Variants in TGFB2 observed in about 807,000 individuals in gnomAD.
TGFB2 encodes the protein transforming growth factor beta-2 proprotein.
Under a neutral mutation model 42.7 loss-of-function variants are expected in TGFB2, and 13 were observed. The ratio of observed to expected loss-of-function variants is 0.30; its 90% CI spans 0.20 to 0.48. The LOEUF is 0.48. Ranked by LOEUF, TGFB2 falls within the 20% of genes least tolerant of loss-of-function variation. The pLI, the probability that TGFB2 is intolerant of heterozygous loss-of-function variation, is 0.99. For synonymous variants in TGFB2, 193 were observed against 193.6 expected, an observed-to-expected ratio of 1.00 and a Z score of 0.03; for missense variants, 390 against 517.5, an observed-to-expected ratio of 0.75 and a Z score of 2.39.
rs1377416111 is a variant in TGFB2 at position 218,443,700 on chromosome 1, C to G, written c.*2338C>G. Reference sequence around the variant, plus strand: ...TTTTAAATGCTCTATTTTAAGATCTCTTGAATCTGTTTTTTTTTTTTTTAA... The same window carrying G: ...TTTTAAATGCTCTATTTTAAGATCTGTTGAATCTGTTTTTTTTTTTTTTAA... On this transcript the variant is annotated 3_prime_UTR_variant, in exon 7 of 7. Transcript: ENST00000366930. The G allele has an allele frequency of 7.6e-6, 1 of 132,132 alleles. No homozygotes were observed. The highest frequency in any genetic ancestry group is 1.6e-5 in the Non-Finnish European group (1 of 63,772). The allele number at this position is 132,132 out of a possible 1,614,324, so 8.2% of individuals were successfully genotyped here. A position where few individuals can be genotyped will look rare whatever the true frequency, so the allele number is the denominator to read the frequency against.
intron 2 of TGFB2, among the ~76,000 whole-genome samples, chr1:218,422,501 G>A (rs573134456): frequency 1.6e-4 from 25 of 152,230 alleles, no homozygotes; most frequent in Middle Eastern, 3.4e-3. Flanking sequence ...GATTACAGGC[G>A]TGAGGCACCA....
intron 1 of TGFB2, among the ~76,000 whole-genome samples, chr1:218,364,106 C>T (rs947682161): frequency 3.3e-5 from 5 of 152,160 alleles, no homozygotes; most frequent in Non-Finnish European, 7.3e-5. Flanking sequence ...AAAGATTGGA[C>T]GCCCCTGCTC....
intron 2 of TGFB2, among the ~76,000 whole-genome samples, chr1:218,415,180 C>T (rs1442102268): frequency 1.3e-5 from 2 of 152,172 alleles, no homozygotes; most frequent in Admixed American, 6.5e-5. Flanking sequence ...GTATCCTCAG[C>T]GGTTACTATT....
intron 1 of TGFB2, among the ~76,000 whole-genome samples, chr1:218,352,883 C>T (rs1656912895): frequency 6.6e-6 from 1 of 152,184 alleles, no homozygotes; most frequent in Non-Finnish European, 1.5e-5. Flanking sequence ...CTTTACTTAA[C>T]CAGGCCTCAG....
intron 2 of TGFB2, among the ~76,000 whole-genome samples, chr1:218,423,613 T>C (rs776950359): frequency 6.6e-6 from 1 of 152,180 alleles, no homozygotes; most frequent in Non-Finnish European, 1.5e-5. Flanking sequence ...ATATAATCCA[T>C]GTTTTAGAGA....
At chr1:218,415,699 GAAA>G (rs1174137652) in intron 2 of TGFB2, among the ~76,000 whole-genome samples, 1 of 61,678 alleles carries the variant, frequency 1.6e-5, no homozygotes, top group South Asian at 5.3e-4. Context: ...TGTCTCAAAA[GAAA>G]AAAAAAAAAA....
In TGFB2 at chr1:218,371,835, A is replaced by G. The variant is rs114456683; in HGVS notation, c.346+24788A>G. Among the ~76,000 whole-genome samples the G allele has an allele frequency of 2.2e-3, 333 of 152,344 alleles. 2 individuals are homozygous for G. Among genetic ancestry groups the G allele is most frequent in the African/African-American group, 7.7e-3 (321 of 41,584 alleles). On this transcript the variant is annotated intron_variant, in intron 1 of 6. Coordinates refer to ENST00000366930, the MANE Select transcript of TGFB2 (RefSeq NM_003238.6). ...TCTTGTGCGAGTTCCATGCCATCTT[A>G]AACAGTGTGTACCATGTAGTTCCCT...
chr1:218,407,064 A>G (rs1658937632), intron 2 of TGFB2, among the ~76,000 whole-genome samples: 1 of 152,126 alleles, frequency 6.6e-6, no homozygotes, highest in South Asian at 2.1e-4. Context: ...AGACCTGAAG[A>G]ATAGTTTAAA....
At chr1:218,380,013 G>A (rs999819271) in intron 1 of TGFB2, among the ~76,000 whole-genome samples, 5 of 152,104 alleles carry the variant, frequency 3.3e-5, no homozygotes, top group African/African-American at 9.7e-5. Flanking sequence ...TAGAGACATC[G>A]ATATTCATTT....
At chr1:218,389,884 C>G (rs566096975) in intron 1 of TGFB2, among the ~76,000 whole-genome samples, 5 of 152,338 alleles carry the variant, frequency 3.3e-5, no homozygotes, top group African/African-American at 9.6e-5. Flanking sequence ...AGTGACATCA[C>G]TGAGGCACCC....
chr1:218,425,374 A>C (rs1659589149), intron 2 of TGFB2, among the ~76,000 whole-genome samples: 1 of 151,670 alleles, frequency 6.6e-6, no homozygotes, highest in South Asian at 2.1e-4. Context: ...CGCCCGGCTA[A>C]TTTTTTGTAT....
chr1:218,403,578 G>C (rs1401597125), intron 1 of TGFB2, among the ~76,000 whole-genome samples: 1 of 152,196 alleles, frequency 6.6e-6, no homozygotes, highest in Non-Finnish European at 1.5e-5. Flanking sequence ...ACAGTCAGAT[G>C]CCTGAGTCTT....
intron 2 of TGFB2, among the ~76,000 whole-genome samples, chr1:218,422,467 C>T (rs1659488956): frequency 6.6e-6 from 1 of 152,146 alleles, no homozygotes; most frequent in South Asian, 2.1e-4. Flanking sequence ...ACGATCCTTC[C>T]ATCTCAGCGT....
At chr1:218,416,878 C>G (rs542292338) in intron 2 of TGFB2, among the ~76,000 whole-genome samples, 4 of 152,174 alleles carry the variant, frequency 2.6e-5, no homozygotes, top group African/African-American at 9.6e-5. Flanking sequence ...GGTGGTCCCC[C>G]GCACAAGCTC....
chr1:218,441,216 T>C lies in TGFB2; in HGVS notation c.1099T>C (p.Tyr367His), dbSNP rs768202390. Reference protein sequence around the residue: ...DTQHSRVLSLYNTINPEASAS... With the variant: ...DTQHSRVLSLHNTINPEASAS... The stretch of plus-strand genomic sequence containing the variant: ...TGTGTCCTTTCAGGTCCTGAGCTTA[T>C]ATAATACCATAAATCCAGAAGCATC... Residue 367 changes from tyrosine (Y) to histidine (H), a missense_variant, in exon 7 of 7, where the codon TAT (tyrosine) becomes CAT (histidine). By Grantham distance (83) the Tyr-to-His change is moderately conservative. Coordinates refer to ENST00000366930, the MANE Select transcript of TGFB2 (RefSeq NM_003238.6). 6.2e-7 allele frequency: 1 copy of C among 1,612,550 alleles called. No homozygotes were observed. Among genetic ancestry groups the C allele is most frequent in the Non-Finnish European group, 8.5e-7 (1 of 1,179,628 alleles).
chr1:218,375,960 A>C lies in TGFB2; in HGVS notation c.346+28913A>C, dbSNP rs183344286. Reference sequence around the variant, plus strand: ...TATGGGATATCTATAATTTATATTCATAAGTTGAATGTATAGAATCAAAGG... The same window carrying C: ...TATGGGATATCTATAATTTATATTCCTAAGTTGAATGTATAGAATCAAAGG... On this transcript the variant is annotated intron_variant, in intron 1 of 6. Transcript: ENST00000366930. 1.6e-4 allele frequency among the ~76,000 whole-genome samples: 24 copies of C among 152,334 alleles called. No individual in the cohort carries two copies. In the East Asian group the frequency reaches 4.4e-3, roughly 28 times the overall value.
intron 1 of TGFB2, among the ~76,000 whole-genome samples, chr1:218,355,578 T>C (rs1657006494): frequency 6.6e-6 from 1 of 152,244 alleles, no homozygotes; most frequent in South Asian, 2.1e-4. Context: ...GCTCTGCCAC[T>C]GTCGGCTTTG....
chr1:218,356,067 G>T (rs1453203315), intron 1 of TGFB2, among the ~76,000 whole-genome samples: 1 of 152,160 alleles, frequency 6.6e-6, no homozygotes, highest in Admixed American at 6.5e-5. Flanking sequence ...GTTAATGAAT[G>T]TTAGGAGCCC....
intron 2 of TGFB2, among the ~76,000 whole-genome samples, chr1:218,416,184 T>A (rs550207098): frequency 3.3e-5 from 5 of 152,150 alleles, no homozygotes; most frequent in African/African-American, 1.2e-4. Context: ...CTGACTCCAA[T>A]AGGGGTGTCT....
Sources: allele counts gnomAD v4.1 joint callset (sites outside exome capture counted in the v4.1 genomes callset), GRCh38; gene constraint gnomAD v4.1.1; transcripts MANE v1.5; gene names NCBI Gene and HGNC (gene_info 2026-07-23, HGNC 2026-07-21).